SYNPR: variants seen among roughly 807,000 people sequenced by gnomAD.
SYNPR encodes the protein synaptoporin.
Under a neutral mutation model 32.9 loss-of-function variants are expected in SYNPR, and 23 were observed. The ratio of observed to expected loss-of-function variants is 0.70; its 90% CI spans 0.50 to 0.99. SYNPR has a LOEUF of 0.99. Among genes scored for constraint, SYNPR ranks in the 50% least tolerant of loss-of-function variants. The pLI is 0.00. For missense variants in SYNPR, 318 were observed against 349.3 expected, an observed-to-expected ratio of 0.91 and a Z score of 0.71; for synonymous variants, 146 against 135.9, an observed-to-expected ratio of 1.07 and a Z score of -0.52.
At chr3:63,333,926 A>G (rs772918906) in intron 2 of SYNPR, among the ~76,000 whole-genome samples, 54 of 152,348 alleles carry the variant, frequency 3.5e-4, no homozygotes, top group Non-Finnish European at 7.5e-4. Flanking sequence ...TTACTAAGAG[A>G]GTTTCTAAAC....
At chr3:63,269,175 T>C (rs552822304) in intron 3 of SYNPR, among the ~76,000 whole-genome samples, 21 of 152,188 alleles carry the variant, frequency 1.4e-4, no homozygotes, top group Non-Finnish European at 3.1e-4. Flanking sequence ...GAAACAAATA[T>C]GTGTACAACT....
chr3:63,573,654 C>T (rs1422123006), intron 4 of SYNPR, among the ~76,000 whole-genome samples: 2 of 151,998 alleles, frequency 1.3e-5, no homozygotes, highest in African/African-American at 4.8e-5. Flanking sequence ...TTCACTGAAC[C>T]CTTCATTATT....
At position 63,296,448 on chromosome 3, in the gene SYNPR, G is replaced by T. The variant is rs201897951; in HGVS notation, c.84+17706G>T. Among the ~76,000 whole-genome samples, 35 of 152,114 alleles carry T rather than the reference G, an allele frequency of 2.3e-4. 1 individual carries two copies. Among genetic ancestry groups the T allele is most frequent in the Admixed American group, 6.5e-5 (1 of 15,270 alleles). On this transcript the variant is annotated intron_variant, in intron 2 of 5. Transcript: ENST00000478300. ...TTCAAGGACCTGGCCCCGTTCTTAC[G>T]CAAGAGGTTCTCAGGAGCCTAGTCT...
chr3:63,500,523 GAAAA>G (rs757354875), intron 3 of SYNPR, among the ~76,000 whole-genome samples: 6 of 152,046 alleles, frequency 3.9e-5, no homozygotes, highest in Admixed American at 3.3e-4. Context: ...CAAAATGGTT[GAAAA>G]AAGAAAAAGT....
chr3:63,443,181 T>C (rs1700212075), intron 2 of SYNPR: 3 of 1,235,798 alleles, frequency 2.4e-6, no homozygotes, highest in Non-Finnish European at 3.1e-6. Context: ...CAGAGGGGAG[T>C]ATCAGGTTCC....
At chr3:63,522,693 T>C (rs1169297648) in intron 3 of SYNPR, among the ~76,000 whole-genome samples, 1 of 151,636 alleles carries the variant, frequency 6.6e-6, no homozygotes, top group Non-Finnish European at 1.5e-5. Context: ...ATGTGTGGAA[T>C]GGGAGGCAAG....
chr3:63,515,990 A>G (rs1447163006), intron 3 of SYNPR, among the ~76,000 whole-genome samples: 1 of 152,082 alleles, frequency 6.6e-6, no homozygotes, highest in Non-Finnish European at 1.5e-5. Context: ...ATTTCCAACA[A>G]TGAATTCGGC....
chr3:63,408,792 A>G (rs961083087), intron 2 of SYNPR, among the ~76,000 whole-genome samples: 2 of 152,136 alleles, frequency 1.3e-5, no homozygotes, highest in African/African-American at 4.8e-5. Flanking sequence ...TCAAATGCCA[A>G]TCTTTCTTAG....
At chr3:63,209,021 T>G in the SYNPR span, among the ~76,000 whole-genome samples, 1 of 152,192 alleles carries the variant, frequency 6.6e-6, no homozygotes, top group African/African-American at 2.4e-5. Flanking sequence ...ACGTTTACCT[T>G]ATTCCTTGAT....
chr3:63,479,489 G>C (rs1242237863), intron 2 of SYNPR, among the ~76,000 whole-genome samples: 1 of 147,470 alleles, frequency 6.8e-6, no homozygotes, highest in African/African-American at 2.5e-5. Context: ...ACAAAATATT[G>C]CTTTGCCTGT....
chr3:63,575,628 A>T (rs1702964645), intron 4 of SYNPR, among the ~76,000 whole-genome samples: 1 of 152,212 alleles, frequency 6.6e-6, no homozygotes, highest in Non-Finnish European at 1.5e-5. Context: ...TACTCAGAGA[A>T]AATGTCAGTT....
At chr3:63,261,872 T>C (rs1335188889) in intron 2 of SYNPR, among the ~76,000 whole-genome samples, 1 of 151,274 alleles carries the variant, frequency 6.6e-6, no homozygotes, top group Non-Finnish European at 1.5e-5. Context: ...CACCGGGGAC[T>C]GTCGTGGGGT....
At chr3:63,370,974 C>T (rs1023514544) in intron 2 of SYNPR, among the ~76,000 whole-genome samples, 1 of 152,114 alleles carries the variant, frequency 6.6e-6, no homozygotes, top group African/African-American at 2.4e-5. Context: ...GTGCACTGCT[C>T]TCACGGACAG....
At chr3:63,574,054 T>C (rs1702936991) in intron 4 of SYNPR, among the ~76,000 whole-genome samples, 1 of 152,192 alleles carries the variant, frequency 6.6e-6, no homozygotes, top group Admixed American at 6.6e-5. Flanking sequence ...TGTGGCTTTA[T>C]AATGACTATT....
At chr3:63,582,419 T>A (rs1703108680) in intron 4 of SYNPR, among the ~76,000 whole-genome samples, 2 of 152,122 alleles carry the variant, frequency 1.3e-5, no homozygotes, top group Non-Finnish European at 1.5e-5. Flanking sequence ...ATAGATCATA[T>A]GGTGTCCCCA....
chr3:63,229,180 A>G (rs17067898), intron 1 of SYNPR, among the ~76,000 whole-genome samples: 2,234 of 152,298 alleles, frequency 0.015, 57 homozygotes, highest in African/African-American at 0.051. Flanking sequence ...CTTCAGTTCC[A>G]TCAACTACAA....
At chr3:63,345,823 T>C (rs56184670) in intron 2 of SYNPR, among the ~76,000 whole-genome samples, 2 of 136,616 alleles carry the variant, frequency 1.5e-5, no homozygotes, top group South Asian at 5.3e-4. Flanking sequence ...TCTGGAACTT[T>C]TTTTTTTTTG....
chr3:63,313,311 C>T (rs1336601258), intron 2 of SYNPR, among the ~76,000 whole-genome samples: 5 of 151,792 alleles, frequency 3.3e-5, no homozygotes, highest in Middle Eastern at 3.4e-3. Context: ...TTGGTGCACC[C>T]TTCACTCGAG....
At chr3:63,300,513 G>C (rs2086834198) in intron 2 of SYNPR, among the ~76,000 whole-genome samples, 1 of 152,008 alleles carries the variant, frequency 6.6e-6, no homozygotes, top group South Asian at 2.1e-4. Flanking sequence ...CCTTTTACTA[G>C]GTTACTGCAT....
Sources: allele counts gnomAD v4.1 joint callset (sites outside exome capture counted in the v4.1 genomes callset), GRCh38; gene constraint gnomAD v4.1.1; transcripts MANE v1.5; gene names NCBI Gene and HGNC (gene_info 2026-07-23, HGNC 2026-07-21).